COG5: variants seen among roughly 807,000 people sequenced by gnomAD.
The protein encoded by COG5 is component of oligomeric golgi complex 5, also known as conserved oligomeric Golgi complex subunit 5.
COG5 carries 86 observed loss-of-function variants against 110.4 expected under a neutral mutation model. The ratio of observed to expected loss-of-function variants is 0.78; its 90% CI spans 0.65 to 0.93. The LOEUF is 0.93. Among genes scored for constraint, COG5 ranks in the 40% least tolerant of loss-of-function variants. The pLI is 0.00. For synonymous variants in COG5, 360 were observed against 334.6 expected (o/e 1.08, Z -0.83); for missense variants, 1,077 against 987.0 (o/e 1.09, Z -1.22).
At chr7:107,293,894 A>G (rs1806375609) in intron 12 of COG5, among the ~76,000 whole-genome samples, 1 of 152,110 alleles carries the variant, frequency 6.6e-6, no homozygotes, top group Non-Finnish European at 1.5e-5. Flanking sequence ...CAAAATGGCG[A>G]AACTCTGTCT....
At chr7:107,275,822 C>T (rs1182279468) in intron 14 of COG5, among the ~76,000 whole-genome samples, 1 of 151,682 alleles carries the variant, frequency 6.6e-6, no homozygotes, top group Non-Finnish European at 1.5e-5. Flanking sequence ...CCATACCTGG[C>T]CAATACTTTT....
chr7:107,499,217 G>C (rs1057009288), intron 6 of COG5, among the ~76,000 whole-genome samples: 2 of 152,048 alleles, frequency 1.3e-5, no homozygotes, highest in Non-Finnish European at 2.9e-5. Context: ...AAGTTCTAGA[G>C]ATCTGCTGTT....
chr7:107,283,931 CTT>C (rs71522833), intron 12 of COG5, among the ~76,000 whole-genome samples, 199 bp from the exon 13 acceptor site: 2 of 142,622 alleles, frequency 1.4e-5, no homozygotes, highest in Non-Finnish European at 3.1e-5. Context: ...CCATAGTAAC[CTT>C]TTTTTTTTTG....
chr7:107,280,378 A>G (rs1584614604), intron 14 of COG5, among the ~76,000 whole-genome samples: 1 of 152,100 alleles, frequency 6.6e-6, no homozygotes, highest in East Asian at 1.9e-4. Flanking sequence ...GTTACCTCCA[A>G]GGATCATTTT....
chr7:107,408,156 T>C lies in COG5; in HGVS notation c.669+4346A>G, dbSNP rs117924521. Among the ~76,000 whole-genome samples, 66 of 152,338 alleles carry C rather than the reference T, an allele frequency of 4.3e-4. No homozygotes were observed. The East Asian group carries it at 0.013, about 29-fold the overall frequency. ...TGGGACAAATCTGGTTTATTGCTTG[T>C]TTTTGCTAATAAAGTGTTAATGGAA... On this transcript the variant is annotated intron_variant, in intron 7 of 21. Transcript: ENST00000297135.
intron 6 of COG5, among the ~76,000 whole-genome samples, chr7:107,506,257 A>G (rs1273929161): frequency 2.0e-5 from 3 of 152,198 alleles, no homozygotes; most frequent in African/African-American, 7.2e-5. Flanking sequence ...CACCAGCTGC[A>G]GTAGTTAACA....
At chr7:107,305,216 T>A (rs1195733142) in intron 11 of COG5, among the ~76,000 whole-genome samples, 1 of 152,214 alleles carries the variant, frequency 6.6e-6, no homozygotes, top group Non-Finnish European at 1.5e-5. Context: ...TAGTAGAGGC[T>A]GCTGGTCATA....
intron 16 of COG5, among the ~76,000 whole-genome samples, chr7:107,249,711 T>TGC (rs1230592440): frequency 3.6e-4 from 49 of 136,962 alleles, no homozygotes; most frequent in African/African-American, 5.3e-4. Flanking sequence ...TGTGTGTGTG[T>TGC]GTGTGTGTGT....
intron 7 of COG5, among the ~76,000 whole-genome samples, chr7:107,408,053 T>C (rs1365713480): frequency 2.0e-5 from 3 of 152,052 alleles, no homozygotes; most frequent in Non-Finnish European, 4.4e-5. Context: ...AATACAGTAA[T>C]CAGGATGAGA....
At position 107,333,687 on chromosome 7, in the gene COG5, T is replaced by C. The variant is rs187638056; in HGVS notation, c.1027-9166A>G. On this transcript the variant is annotated intron_variant, in intron 10 of 21. Transcript: ENST00000297135. ...ACAAAATAGTAACAGGTGTTGTCTCTGGATGAAAGGATTAAATATGATGTT... is the reference window on the plus strand; with the variant it reads ...ACAAAATAGTAACAGGTGTTGTCTCCGGATGAAAGGATTAAATATGATGTT... Among the ~76,000 whole-genome samples, 17 of 152,282 alleles carry C rather than the reference T, an allele frequency of 1.1e-4. No individual in the cohort carries two copies. In the East Asian group the frequency reaches 2.9e-3, roughly 26 times the overall value.
Position 107,527,268 on chromosome 7 carries a change from T to C in COG5, c.507A>G (p.Ile169Met), listed in dbSNP as rs1171893075. 3 of 1,606,686 alleles carry C rather than the reference T, an allele frequency of 1.9e-6. No homozygotes were observed. Among genetic ancestry groups the C allele is most frequent in the Admixed American group, 3.4e-5 (2 of 59,436 alleles). ...CATTGAGACTCTGAGCAGCTTTTGT[T>C]ATCTCTCTACTTCCCCCTTGCAGTT... ...QGQLQGGSRE[I>M]TKAAQSLNEL... The change falls in exon 6 of 22, where the codon ATA becomes ATG. Residue 169 changes from isoleucine to methionine, a missense_variant. Transcript: ENST00000297135.
chr7:107,492,063 TA>T (rs34588781), intron 6 of COG5, among the ~76,000 whole-genome samples: 1 of 151,984 alleles, frequency 6.6e-6, no homozygotes, highest in African/African-American at 2.4e-5. Context: ...TATCTGTGTA[TA>T]AAAAAATATC....
At chr7:107,406,247 T>C (rs948899494) in intron 7 of COG5, among the ~76,000 whole-genome samples, 21 of 152,220 alleles carry the variant, frequency 1.4e-4, no homozygotes, top group Admixed American at 5.9e-4. Flanking sequence ...AACAAAATTA[T>C]AGTTCCCTGA....
At chr7:107,439,398 G>C (rs917379329) in intron 6 of COG5, among the ~76,000 whole-genome samples, 4 of 152,044 alleles carry the variant, frequency 2.6e-5, no homozygotes, top group Middle Eastern at 3.4e-3. Flanking sequence ...TGCTCTCCCC[G>C]TTTTCTCGAG....
chr7:107,206,601 T>A (rs1798808107), intron 21 of COG5, among the ~76,000 whole-genome samples: 1 of 152,228 alleles, frequency 6.6e-6, no homozygotes, highest in South Asian at 2.1e-4. Flanking sequence ...TATCAGCGTA[T>A]AAGAAGTGTT....
intron 5 of COG5, among the ~76,000 whole-genome samples, chr7:107,532,510 CATACAT>C (rs1466318202): frequency 6.6e-6 from 1 of 152,134 alleles, no homozygotes; most frequent in East Asian, 1.9e-4. Context: ...CTCAGATTAA[CATACAT>C]ATACATATGC....
intron 7 of COG5, among the ~76,000 whole-genome samples, chr7:107,373,562 T>C (rs1328390903): frequency 3.9e-5 from 6 of 152,090 alleles, no homozygotes; most frequent in Non-Finnish European, 7.4e-5. Context: ...GAGATAGCAA[T>C]GTGCTTAGTA....
intron 14 of COG5, among the ~76,000 whole-genome samples, chr7:107,264,165 T>C (rs1803600938): frequency 6.6e-6 from 1 of 152,164 alleles, no homozygotes; most frequent in Non-Finnish European, 1.5e-5. Flanking sequence ...ACATCAATAA[T>C]CAATTGTGGC....
At chr7:107,247,220 CAG>C (rs886320651) in intron 17 of COG5, among the ~76,000 whole-genome samples, 1 of 152,076 alleles carries the variant, frequency 6.6e-6, no homozygotes, top group East Asian at 1.9e-4. Flanking sequence ...GTCGACTTGA[CAG>C]GGGAGGGTGG....
Sources: gnomAD v4.1 joint callset for allele counts (sites outside exome capture counted in the v4.1 genomes callset) on GRCh38, gnomAD v4.1.1 for gene constraint, MANE v1.5 for transcripts, NCBI Gene and HGNC (gene_info 2026-07-23, HGNC 2026-07-21) for gene names.